Variants in CEP83 observed in about 807,000 individuals in gnomAD.
The protein encoded by CEP83 is centrosomal protein 83.
In CEP83, 70 loss-of-function variants were observed where a neutral mutation model predicts 101.9. The ratio of observed to expected loss-of-function variants is 0.69; its 90% CI spans 0.57 to 0.84. The LOEUF (loss-of-function observed/expected upper bound fraction) is 0.84. Among genes scored for constraint, CEP83 ranks in the 40% least tolerant of loss-of-function variants. The probability of loss-of-function intolerance (pLI) is 0.00; values close to 1 mark genes in which losing one functional copy is unlikely to be tolerated. For synonymous variants in CEP83, 264 were observed against 267.9 expected (o/e 0.99, Z 0.14); for missense variants, 715 against 787.2 (o/e 0.91, Z 1.10).
chr12:94,413,145 C>T (rs777724352), intron 2 of CEP83, among the ~76,000 whole-genome samples: 38 of 152,314 alleles, frequency 2.5e-4, no homozygotes, highest in Admixed American at 1.7e-3. Flanking sequence ...TGAGCCACCA[C>T]GCTCAGCCTC....
intron 14 of CEP83, among the ~76,000 whole-genome samples, chr12:94,316,076 T>C (rs747829488): frequency 5.9e-5 from 9 of 152,164 alleles, no homozygotes; most frequent in Non-Finnish European, 1.2e-4. Flanking sequence ...ATTCAACTTA[T>C]GGATAAATTT....
chr12:94,318,288 T>A (rs1417157731), intron 14 of CEP83, among the ~76,000 whole-genome samples: 1 of 152,192 alleles, frequency 6.6e-6, no homozygotes, highest in South Asian at 2.1e-4. Context: ...GCTAAAGTTA[T>A]CAGCTGAAGG....
At chr12:94,336,092 C>A (rs2059436473) in intron 11 of CEP83, among the ~76,000 whole-genome samples, 1 of 152,164 alleles carries the variant, frequency 6.6e-6, no homozygotes, top group African/African-American at 2.4e-5. Flanking sequence ...TTGCAAAATT[C>A]TTTCAGACAC....
intron 6 of CEP83, among the ~76,000 whole-genome samples, chr12:94,389,980 G>A (rs1018184435): frequency 5.9e-5 from 9 of 152,344 alleles, no homozygotes; most frequent in East Asian, 1.9e-4. Context: ...CGAACTGGGC[G>A]GAGCCCACTG....
Position 94,333,475 on chromosome 12 carries a change from ACT to A in CEP83, c.1577+5_1577+6del, listed in dbSNP as rs1306513264. Reference sequence around the variant, plus strand: ...AAAATAGTTTGTACATAAAGAGCAAACTCTACTTTTCAGCTTCTAGTTGCGCT... The same window carrying A: ...AAAATAGTTTGTACATAAAGAGCAAACTACTTTTCAGCTTCTAGTTGCGCT... On this transcript the variant is annotated splice_donor_5th_base_variant and intron_variant, in intron 13 of 16. Transcript: ENST00000397809. The A allele has an allele frequency of 5.0e-6, 8 of 1,610,466 alleles. No individual in the cohort carries two copies. Among genetic ancestry groups the A allele is most frequent in the African/African-American group, 4.0e-5 (3 of 74,672 alleles).
chr12:94,359,073 T>C (rs1051167492), intron 11 of CEP83, among the ~76,000 whole-genome samples: 2 of 152,250 alleles, frequency 1.3e-5, no homozygotes, highest in Non-Finnish European at 2.9e-5. Flanking sequence ...ATTTGGCCCA[T>C]CCCTTCATTT....
intron 4 of CEP83, among the ~76,000 whole-genome samples, chr12:94,404,455 G>A (rs1036376073): frequency 6.6e-6 from 1 of 152,098 alleles, no homozygotes; most frequent in Non-Finnish European, 1.5e-5. Context: ...TCTCAAAGGT[G>A]AGTTAAAGCC....
the CEP83 span, among the ~76,000 whole-genome samples, chr12:94,295,741 A>G: frequency 1.3e-5 from 2 of 152,098 alleles, no homozygotes; most frequent in Admixed American, 6.5e-5. Context: ...GTGGGTCACT[A>G]TAAGTTCATG....
intron 14 of CEP83, among the ~76,000 whole-genome samples, chr12:94,325,355 T>C (rs778323452): frequency 6.6e-6 from 1 of 152,128 alleles, no homozygotes; most frequent in Non-Finnish European, 1.5e-5. Context: ...GTAGTTTTAG[T>C]AGAGATGGGG....
intron 15 of CEP83, chr12:94,312,570 A>C (rs1970032834): frequency 2.0e-6 from 2 of 985,270 alleles, no homozygotes; most frequent in Admixed American, 1.2e-4. Context: ...ACCAAAACTG[A>C]CCTTTGATTC....
At chr12:94,398,159 C>G (rs778648973) in intron 6 of CEP83, among the ~76,000 whole-genome samples, 17 of 152,324 alleles carry the variant, frequency 1.1e-4, no homozygotes, top group South Asian at 4.1e-4. Flanking sequence ...CCCACTCCTT[C>G]TTAAGCCGAA....
At chr12:94,374,923 T>TCACA (rs1275208364) in intron 8 of CEP83, among the ~76,000 whole-genome samples, 2 of 151,756 alleles carry the variant, frequency 1.3e-5, no homozygotes, top group African/African-American at 4.8e-5. Context: ...CTGCCCAAGG[T>TCACA]CACACAGCTT....
intron 1 of CEP83, among the ~76,000 whole-genome samples, chr12:94,454,927 CACTG>C (rs1454521100): frequency 1.3e-5 from 2 of 152,186 alleles, no homozygotes; most frequent in East Asian, 3.9e-4. Context: ...CTGTAGCACT[CACTG>C]CAAAAGTCTG....
the CEP83 span, among the ~76,000 whole-genome samples, chr12:94,280,425 A>G: frequency 2.0e-5 from 3 of 152,244 alleles, no homozygotes; most frequent in Non-Finnish European, 4.4e-5. Flanking sequence ...TTGACTAAGC[A>G]GGCAATTAAA....
In CEP83 at chr12:94,370,061, T is replaced by C. The variant is rs1252589908; in HGVS notation, c.934-25A>G. ...CCTGTTGATAATTAAAAACTGAAAT[T>C]ACTATTGGTCATTTTCTTGCCATTC... On this transcript the variant is annotated intron_variant, in intron 8 of 16. Transcript: ENST00000397809. 17 of 1,321,660 alleles carry C rather than the reference T, an allele frequency of 1.3e-5. 1 individual carries two copies. The allele number at this position is 1,321,660 out of a possible 1,614,324, so 81.9% of individuals were successfully genotyped here. A position where few individuals can be genotyped will look rare whatever the true frequency, so the allele number is the denominator to read the frequency against.
At chr12:94,401,170 T>C (rs2063231855) in intron 5 of CEP83, 189 bp from the exon 6 acceptor site, 2 of 279,130 alleles carry the variant, frequency 7.2e-6, no homozygotes, top group African/African-American at 4.4e-5. Flanking sequence ...ACAGAAGTAG[T>C]ACATTCCTGA....
Position 94,308,845 on chromosome 12 carries a change from G to C in CEP83, c.2074C>G (p.Gln692Glu). The C allele has an allele frequency of 6.2e-7, 1 of 1,612,408 alleles. No individual in the cohort carries two copies. Among genetic ancestry groups the C allele is most frequent in the Non-Finnish European group, 8.5e-7 (1 of 1,178,684 alleles). The change falls in exon 17 of 17, where the codon CAA (glutamine) becomes GAA (glutamate). Residue 692 changes from glutamine (Q) to glutamate (E), a missense_variant. By Grantham distance (29) the Gln-to-Glu change is conservative. Coordinates refer to ENST00000397809, the MANE Select transcript of CEP83 (RefSeq NM_016122.3). ...LEELETTQRK[Q>E]LEELGSSGE ...CCGGAAGATCCAAGTTCCTCTAGTT[G>C]TTTTCTTTGTGTTGTTTCCAGTTCT...
chr12:94,323,412 G>A (rs7959300), intron 14 of CEP83, among the ~76,000 whole-genome samples: 6 of 152,096 alleles, frequency 3.9e-5, no homozygotes, highest in African/African-American at 4.8e-5. Context: ...AGGGAGAAGC[G>A]TGGGTCGCTG....
At chr12:94,368,270 C>G (rs1016391049) in intron 9 of CEP83, 69 bp from the exon 10 acceptor site, 1 of 1,216,806 alleles carries the variant, frequency 8.2e-7, no homozygotes, top group Non-Finnish European at 1.2e-6. Context: ...CATTTAACAG[C>G]AAGCATTCAT....
Sources: gnomAD v4.1 joint callset for allele counts (sites outside exome capture counted in the v4.1 genomes callset) on GRCh38, gnomAD v4.1.1 for gene constraint, MANE v1.5 for transcripts, NCBI Gene and HGNC (gene_info 2026-07-23, HGNC 2026-07-21) for gene names.